The following PEX13 variants were observed in gnomAD, a reference collection of about 807,000 sequenced individuals.
PEX13 encodes peroxisome biogenesis factor 13.
Under a neutral mutation model 34.5 loss-of-function variants are expected in PEX13, and 28 were observed. The observed-to-expected ratio is 0.81, with a 90% confidence interval of 0.60 to 1.11. The LOEUF is 1.11. Among genes scored for constraint, PEX13 ranks in the 50% most tolerant of loss-of-function variants. The pLI is 0.00. For synonymous variants in PEX13, 177 were observed against 175.1 expected, an observed-to-expected ratio of 1.01 and a Z score of -0.09; for missense variants, 550 against 491.0, an observed-to-expected ratio of 1.12 and a Z score of -1.13.
In PEX13 at chr2:61,051,651, G is replaced by T. The variant is rs1680801409; in HGVS notation, c.*2881G>T. ...TATTATTTTTAGGAACTTATTTAAG[G>T]AGTGCTACTTTACAGAAATTACTAA... On this transcript the variant is annotated 3_prime_UTR_variant, in exon 4 of 4. Transcript: ENST00000295030. 1 of 152,110 alleles carries T rather than the reference G, an allele frequency of 6.6e-6. No individual in the cohort carries two copies. Among genetic ancestry groups the T allele is most frequent in the Non-Finnish European group, 1.5e-5 (1 of 67,994 alleles). 9.4% of individuals were successfully genotyped at this position (152,110 alleles called of 1,614,324 possible).
In PEX13 at chr2:61,047,090, G is replaced by C. The variant is rs1022068990; in HGVS notation, c.913+1239G>C. On this transcript the variant is annotated intron_variant, in intron 3 of 3. Coordinates refer to ENST00000295030, the MANE Select transcript of PEX13 (RefSeq NM_002618.4). ...TGCACTCCAGCCTGGGCAACGTAGT[G>C]TAACCTTGTCTCAAGAAAAAAAAAA... Among the ~76,000 whole-genome samples, 5 of 150,924 alleles carry C rather than the reference G, an allele frequency of 3.3e-5. 1 individual carries two copies. Among genetic ancestry groups the C allele is most frequent in the Admixed American group, 2.6e-4 (4 of 15,128 alleles).
At chr2:61,028,199 A>G (rs1479729799) in intron 1 of PEX13, among the ~76,000 whole-genome samples, 6 of 152,200 alleles carry the variant, frequency 3.9e-5, no homozygotes, top group African/African-American at 1.4e-4. Context: ...TAGCTTCACA[A>G]ATGCGCCTCC....
Position 61,048,453 on chromosome 2 carries a change from T to C in PEX13, c.914-19T>C. On this transcript the variant is annotated intron_variant, in intron 3 of 3. Transcript: ENST00000295030. ...CCAAAGTATATTGTAATTACAAGAC[T>C]GTCTTTTTTTTCCATCAGAACAACA... is the stretch of plus-strand genomic sequence containing the variant. The C allele has an allele frequency of 1.2e-6, 2 of 1,608,610 alleles. No homozygotes were observed. The highest frequency in any genetic ancestry group is 1.7e-6 in the Non-Finnish European group (2 of 1,175,914).
chr2:61,027,352 A>G (rs1032495818), intron 1 of PEX13, among the ~76,000 whole-genome samples: 7 of 150,218 alleles, frequency 4.7e-5, no homozygotes, highest in Admixed American at 4.6e-4. Context: ...AAAAAAAAAA[A>G]CAAAACACAC....
chr2:61,021,399 A>G (rs1364663671), intron 1 of PEX13, among the ~76,000 whole-genome samples: 1 of 152,222 alleles, frequency 6.6e-6, no homozygotes, highest in Non-Finnish European at 1.5e-5. Flanking sequence ...TCCTATACCC[A>G]TGGAGCCTTG....
chr2:61,036,504 A>G (rs1680537943), intron 2 of PEX13, among the ~76,000 whole-genome samples: 1 of 152,212 alleles, frequency 6.6e-6, no homozygotes, highest in Non-Finnish European at 1.5e-5. Flanking sequence ...TTCAACCCAG[A>G]ATCTCATATC....
chr2:61,029,153 AAAG>A (rs1428799560), intron 1 of PEX13, among the ~76,000 whole-genome samples: 1 of 151,866 alleles, frequency 6.6e-6, no homozygotes, highest in Middle Eastern at 3.4e-3. Flanking sequence ...AAAAAAAAAA[AAAG>A]AGGGCGAACT....
At position 61,032,022 on chromosome 2, in the gene PEX13, A is replaced by C. The variant is rs1680460565; in HGVS notation, c.696A>C (p.Lys232Asn). 2 of 1,613,718 alleles carry C rather than the reference A, an allele frequency of 1.2e-6. No individual in the cohort carries two copies. The highest frequency in any genetic ancestry group is 1.7e-6 in the Non-Finnish European group (2 of 1,179,778). Reference protein sequence around the residue: ...GAEDRAATSAKSWPIFLFFAV... With the variant: ...GAEDRAATSANSWPIFLFFAV... Reference sequence around the variant, plus strand: ...AGGACCGAGCAGCTACCTCAGCAAAATCTTGGCCAATATTCTTGTTCTTTG... The same window carrying C: ...AGGACCGAGCAGCTACCTCAGCAAACTCTTGGCCAATATTCTTGTTCTTTG... Residue 232 changes from lysine (K) to asparagine (N), a missense_variant, in exon 2 of 4, where the codon AAA becomes AAC. By Grantham distance (94) the Lys-to-Asn change is moderately conservative (BLOSUM62 0). Coordinates refer to ENST00000295030, the MANE Select transcript of PEX13 (RefSeq NM_002618.4).
chr2:61,023,189 G>T (rs919298692), intron 1 of PEX13, among the ~76,000 whole-genome samples: 4 of 151,950 alleles, frequency 2.6e-5, no homozygotes. Flanking sequence ...ATTTTTAGTA[G>T]AGATGGAGTT....
chr2:61,024,981 G>C (rs1426262860), intron 1 of PEX13, among the ~76,000 whole-genome samples: 1 of 152,154 alleles, frequency 6.6e-6, no homozygotes, highest in Non-Finnish European at 1.5e-5. Context: ...CAACACAGTT[G>C]TTTAAAGTTT....
Position 61,049,074 on chromosome 2 carries a change from C to G in PEX13, c.*304C>G. 2.6e-6 allele frequency: 1 copy of G among 389,508 alleles called. No individual in the cohort carries two copies. Among genetic ancestry groups the G allele is most frequent in the East Asian group, 5.9e-5 (1 of 16,956 alleles). The allele number at this position is 389,508 out of a possible 1,614,324, so 24.1% of individuals were successfully genotyped here. A position where few individuals can be genotyped will look rare whatever the true frequency, so the allele number is the denominator to read the frequency against. ...TTATTGGAAGAGTAAGATTGATGAA[C>G]TATAGCATGCACAGTTTGGTACAGT... On this transcript the variant is annotated 3_prime_UTR_variant, in exon 4 of 4. Coordinates refer to ENST00000295030, the MANE Select transcript of PEX13 (RefSeq NM_002618.4).
At chr2:61,025,685 T>G (rs1364786669) in intron 1 of PEX13, among the ~76,000 whole-genome samples, 3 of 152,138 alleles carry the variant, frequency 2.0e-5, no homozygotes, top group Non-Finnish European at 2.9e-5. Context: ...TAATGAGAGC[T>G]GCACATTGTA....
chr2:61,023,787 TTTTGTTTGTTTG>T (rs34837651), intron 1 of PEX13, among the ~76,000 whole-genome samples: 5 of 148,946 alleles, frequency 3.4e-5, no homozygotes, highest in Admixed American at 6.9e-5. Context: ...CTGTCTTTTG[TTTTGTTTGTTTG>T]TTTGTTTGTT....
At position 61,032,027 on chromosome 2, in the gene PEX13, G is replaced by A. The variant is rs1429501760; in HGVS notation, c.701G>A (p.Trp234Ter). ...CGAGCAGCTACCTCAGCAAAATCTT[G>A]GCCAATATTCTTGTTCTTTGCTGTT... ...EDRAATSAKS[W>*]PIFLFFAVIL... is the part of the protein sequence containing the mutation. Residue 234 changes from tryptophan to a stop codon, truncating the protein, a stop_gained, in exon 2 of 4, where the codon TGG becomes TAG. Transcript: ENST00000295030. LOFTEE classifies it high-confidence loss of function. 1 of 1,613,546 alleles carries A rather than the reference G, an allele frequency of 6.2e-7. No homozygotes were observed.
intron 1 of PEX13, among the ~76,000 whole-genome samples, chr2:61,022,252 A>T (rs1680276685): frequency 6.6e-6 from 1 of 152,216 alleles, no homozygotes. Context: ...AGCATGTTCT[A>T]ACCCGTCGCA....
chr2:61,041,025 G>A (rs3108630), intron 2 of PEX13, among the ~76,000 whole-genome samples: 81,252 of 151,456 alleles, frequency 0.54, 22,067 homozygotes, highest in Middle Eastern at 0.66. Context: ...TGGGTCCTAA[G>A]ATAGAGTCAG....
At chr2:61,037,261 C>T (rs1253952829) in intron 2 of PEX13, among the ~76,000 whole-genome samples, 1 of 152,138 alleles carries the variant, frequency 6.6e-6, no homozygotes, top group Non-Finnish European at 1.5e-5. Context: ...ACCTCTGGAC[C>T]CAGCGGACCT....
intron 1 of PEX13, among the ~76,000 whole-genome samples, chr2:61,030,457 A>AT (rs998495973): frequency 6.6e-6 from 1 of 151,992 alleles, no homozygotes; most frequent in Non-Finnish European, 1.5e-5. Flanking sequence ...GTTTTTTCAC[A>AT]TTTTTTTATG....
At chr2:61,047,925 C>T (rs1044895509) in intron 3 of PEX13, among the ~76,000 whole-genome samples, 2 of 152,094 alleles carry the variant, frequency 1.3e-5, no homozygotes, top group Non-Finnish European at 2.9e-5. Flanking sequence ...CTTTATTTAT[C>T]ATATGGCTAG....
Sources: gnomAD v4.1 joint callset for allele counts (sites outside exome capture counted in the v4.1 genomes callset) on GRCh38, gnomAD v4.1.1 for gene constraint, MANE v1.5 for transcripts, NCBI Gene and HGNC (gene_info 2026-07-23, HGNC 2026-07-21) for gene names.